PTPRT: variants seen among roughly 807,000 people sequenced by gnomAD.
PTPRT encodes receptor-type tyrosine-protein phosphatase T.
PTPRT carries 56 observed loss-of-function variants against 176.8 expected under a neutral mutation model. That is an observed-to-expected ratio of 0.32 (90% CI 0.26 to 0.40). The LOEUF is 0.40. Among genes scored for constraint, PTPRT ranks in the 10% least tolerant of loss-of-function variants. The probability of loss-of-function intolerance (pLI) is 1.00; values close to 1 mark genes in which losing one functional copy is unlikely to be tolerated. For synonymous variants in PTPRT, 783 were observed against 739.0 expected, an observed-to-expected ratio of 1.06 and a Z score of -0.96; for missense variants, 1,540 against 1,908.2, an observed-to-expected ratio of 0.81 and a Z score of 3.60.
chr20:43,170,629 A>C (rs1040793255), intron 1 of PTPRT, among the ~76,000 whole-genome samples: 3 of 152,192 alleles, frequency 2.0e-5, no homozygotes, highest in African/African-American at 7.2e-5. Context: ...ACTATCCCTC[A>C]CCAGGTATTT....
intron 7 of PTPRT, among the ~76,000 whole-genome samples, chr20:42,609,488 A>G (rs1477708075): frequency 3.3e-5 from 5 of 152,200 alleles, no homozygotes; most frequent in African/African-American, 7.2e-5. Context: ...ACGAGAGGAC[A>G]CTTGTTATGG....
chr20:43,145,697 C>G (rs2014148556), intron 1 of PTPRT, among the ~76,000 whole-genome samples: 1 of 152,200 alleles, frequency 6.6e-6, no homozygotes, highest in Non-Finnish European at 1.5e-5. Context: ...GATCTGGGAC[C>G]AGATAACAGA....
At chr20:42,791,588 G>A (rs538252806) in intron 2 of PTPRT, 122 bp from the exon 3 acceptor site, 1 of 1,138,464 alleles carries the variant, frequency 8.8e-7, no homozygotes, top group East Asian at 2.6e-5. Flanking sequence ...AGTCACTCTA[G>A]AAGGGTCTGG....
chr20:43,078,541 C>G (rs955988395), intron 1 of PTPRT, among the ~76,000 whole-genome samples: 2 of 152,162 alleles, frequency 1.3e-5, no homozygotes, highest in African/African-American at 2.4e-5. Context: ...TTGATAGCTC[C>G]TGTTTCACGC....
At chr20:43,073,546 T>C (rs146100451) in intron 1 of PTPRT, among the ~76,000 whole-genome samples, 42 of 151,814 alleles carry the variant, frequency 2.8e-4, no homozygotes, top group African/African-American at 9.2e-4. Context: ...ATATAGCACA[T>C]GTGTTTTTTA....
intron 15 of PTPRT, among the ~76,000 whole-genome samples, chr20:42,221,871 T>A (rs1035392585): frequency 1.8e-4 from 27 of 152,106 alleles, no homozygotes; most frequent in African/African-American, 6.3e-4. Flanking sequence ...CTCACTATCA[T>A]GAGAATAGCA....
intron 9 of PTPRT, among the ~76,000 whole-genome samples, chr20:42,359,253 G>T: frequency 6.6e-6 from 1 of 152,268 alleles, no homozygotes; most frequent in African/African-American, 2.4e-5. Context: ...ACAACACCGG[G>T]GTCCCTTTGG....
At chr20:42,584,010 C>A (rs1254132131) in intron 7 of PTPRT, among the ~76,000 whole-genome samples, 1 of 152,144 alleles carries the variant, frequency 6.6e-6, no homozygotes, top group African/African-American at 2.4e-5. Flanking sequence ...GTTAACTGAT[C>A]TGGCTGAGCC....
At chr20:42,428,484 AC>A (rs1201532619) in intron 9 of PTPRT, among the ~76,000 whole-genome samples, 4 of 152,156 alleles carry the variant, frequency 2.6e-5, no homozygotes, top group Non-Finnish European at 5.9e-5. Context: ...GGTATGGGAA[AC>A]TTTTTTCCAG....
intron 27 of PTPRT, among the ~76,000 whole-genome samples, chr20:42,096,584 A>C (rs73129180): frequency 0.038 from 5,815 of 151,998 alleles, 185 homozygotes; most frequent in Middle Eastern, 0.065. Flanking sequence ...AGTCGGGATG[A>C]CACAGTAAGA....
chr20:42,959,828 T>TTAGGGGGGAG (rs1242181955), intron 1 of PTPRT, among the ~76,000 whole-genome samples: 23 of 152,098 alleles, frequency 1.5e-4, no homozygotes, highest in African/African-American at 5.6e-4. Context: ...TCCTAAGTCC[T>TTAGGGGGGAG]TAGGGGGGAG....
intron 7 of PTPRT, among the ~76,000 whole-genome samples, chr20:42,515,618 G>C (rs942909200): frequency 7.9e-5 from 12 of 152,154 alleles, no homozygotes; most frequent in Admixed American, 5.2e-4. Context: ...TCTTGAATAA[G>C]CTTTTTATTG....
intron 13 of PTPRT, among the ~76,000 whole-genome samples, chr20:42,275,124 T>G (rs1379693365): frequency 2.0e-5 from 3 of 152,246 alleles, no homozygotes; most frequent in Non-Finnish European, 4.4e-5. Context: ...GCTTTACTTC[T>G]GTCATCACAC....
chr20:42,899,370 C>T (rs1280060476), intron 1 of PTPRT, among the ~76,000 whole-genome samples: 1 of 152,226 alleles, frequency 6.6e-6, no homozygotes, highest in Non-Finnish European at 1.5e-5. Context: ...CTGAAGCCTG[C>T]AGAAGCCCAA....
chr20:42,544,504 A>T (rs2072638938), intron 7 of PTPRT, among the ~76,000 whole-genome samples: 2 of 152,058 alleles, frequency 1.3e-5, no homozygotes, highest in African/African-American at 4.8e-5. Flanking sequence ...TGTCTAGACC[A>T]CTCAAACTCT....
intron 25 of PTPRT, among the ~76,000 whole-genome samples, chr20:42,103,090 G>C (rs946046950): frequency 6.6e-6 from 1 of 152,214 alleles, no homozygotes; most frequent in African/African-American, 2.4e-5. Flanking sequence ...GCAAGACCTG[G>C]AGCTTCCTTG....
At chr20:42,289,859 G>A (rs1348155223) in intron 12 of PTPRT, among the ~76,000 whole-genome samples, 1 of 151,950 alleles carries the variant, frequency 6.6e-6, no homozygotes, top group Non-Finnish European at 1.5e-5. Context: ...GTGTATATAC[G>A]ATTATGCTTA....
At chr20:42,502,170 T>G (rs1390899673) in intron 7 of PTPRT, among the ~76,000 whole-genome samples, 1 of 151,868 alleles carries the variant, frequency 6.6e-6, no homozygotes, top group Non-Finnish European at 1.5e-5. Context: ...CAAAAAGTTA[T>G]TATATTCATT....
At chr20:42,578,726 G>A (rs1053380057) in intron 7 of PTPRT, among the ~76,000 whole-genome samples, 1 of 151,936 alleles carries the variant, frequency 6.6e-6, no homozygotes, top group African/African-American at 2.4e-5. Flanking sequence ...GCCCTATCTC[G>A]GATCTGCAAT....
Sources: gnomAD v4.1 joint callset for allele counts (sites outside exome capture counted in the v4.1 genomes callset) on GRCh38, gnomAD v4.1.1 for gene constraint, MANE v1.5 for transcripts, NCBI Gene and HGNC (gene_info 2026-07-23, HGNC 2026-07-21) for gene names.